Variants in ABI1 observed in about 807,000 individuals in gnomAD.
ABI1 encodes the protein Abelson interactor 1.
Under a neutral mutation model 54.6 loss-of-function variants are expected in ABI1, and 14 were observed. The ratio of observed to expected loss-of-function variants is 0.26; its 90% CI spans 0.17 to 0.40. The LOEUF is 0.40. Ranked by LOEUF, ABI1 falls within the 10% of genes least tolerant of loss-of-function variation. The probability of loss-of-function intolerance (pLI) is 1.00; values close to 1 mark genes in which losing one functional copy is unlikely to be tolerated. For synonymous variants in ABI1, 194 were observed against 209.3 expected (o/e 0.93, Z 0.63); for missense variants, 443 against 598.3 (o/e 0.74, Z 2.71).
chr10:26,841,867 G>T (rs547301149), intron 1 of ABI1, among the ~76,000 whole-genome samples: 2 of 152,108 alleles, frequency 1.3e-5, no homozygotes, highest in Non-Finnish European at 2.9e-5. Flanking sequence ...TCCACAGCTT[G>T]GCTAATGTAA....
chr10:26,810,257 C>T (rs190647818), intron 2 of ABI1, among the ~76,000 whole-genome samples: 84 of 152,230 alleles, frequency 5.5e-4, no homozygotes, highest in Non-Finnish European at 1.1e-3. Context: ...TCATATCTTA[C>T]GCAAGCTAAC....
At position 26,759,180 on chromosome 10, in the gene ABI1, T is replaced by C. The variant is rs764599203; in HGVS notation, c.879A>G (p.Arg293=). The C allele has an allele frequency of 6.2e-7, 1 of 1,614,070 alleles. No homozygotes were observed. Residue 293 remains arginine (R), a synonymous_variant, in exon 8 of 11, where the codon CGA becomes CGG. Coordinates refer to ENST00000376140, the MANE Select transcript of ABI1 (RefSeq NM_001012750.3). The part of the protein sequence containing the change: ...QYGTMTRQIS[R]HNSTTSSTSS... Reference sequence around the variant, plus strand: ...ATGTCGAAGAAGTAGTAGAGTTGTGTCGAGATATCTGCCTGGTCATTGTGC... The same window carrying C: ...ATGTCGAAGAAGTAGTAGAGTTGTGCCGAGATATCTGCCTGGTCATTGTGC...
chr10:26,753,375 C>T (rs900143771), intron 9 of ABI1, among the ~76,000 whole-genome samples: 5 of 152,114 alleles, frequency 3.3e-5, no homozygotes, highest in African/African-American at 1.2e-4. Context: ...TAGTTCATAT[C>T]CTTAATTTGG....
intron 8 of ABI1, among the ~76,000 whole-genome samples, chr10:26,758,565 T>A (rs1427091208): frequency 1.3e-5 from 2 of 152,178 alleles, no homozygotes; most frequent in Non-Finnish European, 2.9e-5. Flanking sequence ...ACAGAGTAAT[T>A]AAGCAGGCAT....
chr10:26,797,825 G>A lies in ABI1; in HGVS notation c.286-20584C>T, dbSNP rs769488965. ...ACTTTTCAAAGATGAGATTCACTGAGGGGTTTTGATTGACATTAAAAGCAT... is the reference window on the plus strand; with the variant it reads ...ACTTTTCAAAGATGAGATTCACTGAAGGGTTTTGATTGACATTAAAAGCAT... On this transcript the variant is annotated intron_variant, in intron 2 of 10. Transcript: ENST00000376140. Among the ~76,000 whole-genome samples the A allele has an allele frequency of 3.4e-4, 51 of 152,134 alleles. 2 individuals carry two copies. Among genetic ancestry groups the A allele is most frequent in the Admixed American group, 3.3e-4 (5 of 15,276 alleles).
intron 2 of ABI1, among the ~76,000 whole-genome samples, chr10:26,810,583 C>A (rs1021690688): frequency 2.6e-5 from 4 of 152,084 alleles, no homozygotes; most frequent in Non-Finnish European, 4.4e-5. Context: ...TCTGTCGTAA[C>A]GACTCAACTT....
At chr10:26,807,330 C>G (rs1358612278) in intron 2 of ABI1, among the ~76,000 whole-genome samples, 2 of 151,996 alleles carry the variant, frequency 1.3e-5, no homozygotes, top group African/African-American at 2.4e-5. Flanking sequence ...GAAAAATTAG[C>G]CAGGTGTGGT....
intron 2 of ABI1, among the ~76,000 whole-genome samples, chr10:26,813,952 A>G (rs1436891266): frequency 2.0e-5 from 3 of 152,198 alleles, no homozygotes; most frequent in African/African-American, 7.2e-5. Flanking sequence ...CAATAATTTA[A>G]GATGTAAAAG....
chr10:26,748,385 C>G lies in ABI1; in HGVS notation c.*185G>C, dbSNP rs919621689. The G allele has an allele frequency of 6.1e-6, 3 of 491,360 alleles. No individual in the cohort carries two copies. Among genetic ancestry groups the G allele is most frequent in the African/African-American group, 5.7e-5 (3 of 52,548 alleles). The allele number at this position is 491,360 out of a possible 1,614,324, so 30.4% of individuals were successfully genotyped here. A position where few individuals can be genotyped will look rare whatever the true frequency, so the allele number is the denominator to read the frequency against. On this transcript the variant is annotated 3_prime_UTR_variant, in exon 11 of 11. Coordinates refer to ENST00000376140, the MANE Select transcript of ABI1 (RefSeq NM_001012750.3). ...TATGGACAGCTTCTTGTATAAATTGCTATTCAGCAATACATAAACTGCCTC... is the reference window on the plus strand; with the variant it reads ...TATGGACAGCTTCTTGTATAAATTGGTATTCAGCAATACATAAACTGCCTC...
At position 26,748,489 on chromosome 10, in the gene ABI1, A is replaced by C; in HGVS notation, c.*81T>G. 1.9e-6 allele frequency: 2 copies of C among 1,065,648 alleles called. No individual in the cohort carries two copies. The highest frequency in any genetic ancestry group is 2.6e-6 in the Non-Finnish European group (2 of 761,588). 66.0% of individuals were successfully genotyped at this position (1,065,648 alleles called of 1,614,324 possible). ...TGAAAATATGGGCACATTTTAAAAC[A>C]TATTAAGACAGTTCTGTTAACCATA... On this transcript the variant is annotated 3_prime_UTR_variant, in exon 11 of 11. Transcript: ENST00000376140.
intron 1 of ABI1, among the ~76,000 whole-genome samples, chr10:26,846,239 T>TA (rs1189519902): frequency 6.6e-6 from 1 of 152,068 alleles, no homozygotes; most frequent in Non-Finnish European, 1.5e-5. Flanking sequence ...TTCCAATCTG[T>TA]AGTCAATCCT....
intron 2 of ABI1, chr10:26,788,894 C>G (rs1183751657): frequency 1.8e-5 from 2 of 111,474 alleles, no homozygotes; most frequent in Non-Finnish European, 1.6e-5. Context: ...GCCTGGGCAA[C>G]AGAGCGAGAC....
At chr10:26,823,568 C>T (rs1416470017) in intron 1 of ABI1, among the ~76,000 whole-genome samples, 2 of 152,146 alleles carry the variant, frequency 1.3e-5, no homozygotes, top group African/African-American at 4.8e-5. Flanking sequence ...ACACACTGCA[C>T]CAACTGGTTC....
intron 1 of ABI1, among the ~76,000 whole-genome samples, chr10:26,831,547 G>GA (rs200768804): frequency 1.4e-3 from 216 of 149,936 alleles, no homozygotes; most frequent in Middle Eastern, 0.01. Flanking sequence ...TGTCTCAAAG[G>GA]AAAAAAAAAC....
chr10:26,835,078 G>A (rs760689504), intron 1 of ABI1, among the ~76,000 whole-genome samples: 1 of 96,686 alleles, frequency 1.0e-5, no homozygotes, highest in Non-Finnish European at 1.8e-5. Flanking sequence ...AACTGAGCAA[G>A]ATTCTACCTC....
intron 1 of ABI1, among the ~76,000 whole-genome samples, chr10:26,826,741 CT>C (rs1355166102): frequency 1.3e-5 from 2 of 152,206 alleles, no homozygotes; most frequent in African/African-American, 4.8e-5. Context: ...TTACCTTGCA[CT>C]TTCACGTTAT....
chr10:26,857,320 CAAAAAAAAAAAAAA>C (rs71403897), intron 1 of ABI1, among the ~76,000 whole-genome samples: 12 of 75,968 alleles, frequency 1.6e-4, no homozygotes, highest in Non-Finnish European at 2.8e-4. Context: ...GACTCCATCT[CAAAAAAAAAAAAAA>C]AAAAAAAAAA....
intron 1 of ABI1, among the ~76,000 whole-genome samples, chr10:26,838,025 T>C (rs1258788387): frequency 1.4e-5 from 2 of 140,654 alleles, no homozygotes; most frequent in African/African-American, 2.9e-5. Flanking sequence ...CTTAATCTTA[T>C]TACTTTTTTT....
chr10:26,778,224 T>C (rs1453450689), intron 2 of ABI1, among the ~76,000 whole-genome samples: 5 of 152,198 alleles, frequency 3.3e-5, no homozygotes, highest in Non-Finnish European at 7.3e-5. Flanking sequence ...TTTTTAAAAA[T>C]ATTTTTTTAA....
Sources: allele counts gnomAD v4.1 joint callset (sites outside exome capture counted in the v4.1 genomes callset), GRCh38; gene constraint gnomAD v4.1.1; transcripts MANE v1.5; gene names NCBI Gene and HGNC (gene_info 2026-07-23, HGNC 2026-07-21).